AGBL4: variants seen among roughly 807,000 people sequenced by gnomAD.
The protein encoded by AGBL4 is AGBL carboxypeptidase 4.
A neutral mutation model predicts 66.4 loss-of-function variants in AGBL4; 58 were observed. The ratio of observed to expected loss-of-function variants is 0.87; its 90% confidence interval spans 0.71 to 1.09. The LOEUF (loss-of-function observed/expected upper bound fraction) is 1.09, where lower values mean the gene tolerates loss of function less well. AGBL4 is among the 50% of genes least tolerant of loss of function. The pLI, the probability that AGBL4 is intolerant of heterozygous loss-of-function variation, is 0.00. For missense variants in AGBL4, 579 were observed against 631.0 expected (o/e 0.92, Z 0.88); for synonymous variants, 234 against 222.9 (o/e 1.05, Z -0.44).
At chr1:49,708,118 G>A (rs1379211565) in intron 2 of AGBL4, among the ~76,000 whole-genome samples, 29 of 152,038 alleles carry the variant, frequency 1.9e-4, no homozygotes, top group Non-Finnish European at 4.4e-5. Context: ...GGTTGGGGAC[G>A]TTCTCCTGGA....
chr1:49,819,020 A>C (rs1316685343), intron 2 of AGBL4, among the ~76,000 whole-genome samples: 21 of 152,020 alleles, frequency 1.4e-4, no homozygotes, highest in Admixed American at 1.4e-3. Flanking sequence ...AGCTTCTAAT[A>C]TTTCCTCATC....
intron 2 of AGBL4, among the ~76,000 whole-genome samples, chr1:49,796,196 T>C (rs1644725600): frequency 6.6e-6 from 1 of 151,936 alleles, no homozygotes; most frequent in Non-Finnish European, 1.5e-5. Context: ...CAATGGTATA[T>C]AGATGAGTAA....
chr1:49,991,164 A>G (rs1331977205), intron 1 of AGBL4, among the ~76,000 whole-genome samples: 2 of 152,188 alleles, frequency 1.3e-5, no homozygotes, highest in African/African-American at 4.8e-5. Flanking sequence ...TGCAATATTT[A>G]CGTATAATAA....
intron 3 of AGBL4, among the ~76,000 whole-genome samples, chr1:49,289,424 A>T (rs1392112499): frequency 6.6e-6 from 1 of 152,156 alleles, no homozygotes; most frequent in Non-Finnish European, 1.5e-5. Flanking sequence ...CTATTATATG[A>T]TTCTATTTAT....
intron 6 of AGBL4, among the ~76,000 whole-genome samples, chr1:48,684,176 CT>C (rs1646496015): frequency 6.6e-6 from 1 of 152,198 alleles, no homozygotes; most frequent in Non-Finnish European, 1.5e-5. Flanking sequence ...ATGGGTGTGT[CT>C]ATTCTGTGCT....
At chr1:48,727,834 A>T in intron 6 of AGBL4, 1 of 1,538,794 alleles carries the variant, frequency 6.5e-7, no homozygotes, top group Non-Finnish European at 8.9e-7. Flanking sequence ...CATCGCTCGC[A>T]AATCACATGC....
intron 1 of AGBL4, among the ~76,000 whole-genome samples, chr1:49,993,820 T>C (rs1174054824): frequency 6.6e-6 from 1 of 152,002 alleles, no homozygotes; most frequent in East Asian, 1.9e-4. Flanking sequence ...ACAATAAGCA[T>C]ATAAATGGAA....
chr1:49,037,143 G>T (rs1001996733), intron 5 of AGBL4, among the ~76,000 whole-genome samples: 3 of 152,134 alleles, frequency 2.0e-5, no homozygotes, highest in African/African-American at 7.2e-5. Context: ...TAATATATTT[G>T]CTAAGTTTGA....
intron 5 of AGBL4, among the ~76,000 whole-genome samples, chr1:48,992,729 C>T (rs1242972832): frequency 6.6e-6 from 1 of 152,152 alleles, no homozygotes; most frequent in African/African-American, 2.4e-5. Context: ...CCTCCCCTTT[C>T]CATAAGCAGA....
At chr1:49,981,906 C>T (rs1372838239) in intron 1 of AGBL4, among the ~76,000 whole-genome samples, 2 of 152,096 alleles carry the variant, frequency 1.3e-5, no homozygotes, top group Admixed American at 6.5e-5. Flanking sequence ...TTAAATTTCC[C>T]CTTTTATAAT....
chr1:49,036,176 A>G (rs988398563), intron 5 of AGBL4, among the ~76,000 whole-genome samples: 1 of 152,128 alleles, frequency 6.6e-6, no homozygotes, highest in Non-Finnish European at 1.5e-5. Flanking sequence ...AGGTTTATTA[A>G]AAAGAGAATA....
At chr1:49,896,516 T>C (rs780573555) in intron 1 of AGBL4, among the ~76,000 whole-genome samples, 11 of 151,642 alleles carry the variant, frequency 7.3e-5, no homozygotes, top group Non-Finnish European at 1.0e-4. Context: ...ACACAAACTA[T>C]TCTGAAAAAA....
At chr1:48,758,571 C>T (rs3738311) in intron 6 of AGBL4, among the ~76,000 whole-genome samples, 117,846 of 152,220 alleles carry the variant, frequency 0.77, 47,105 homozygotes, top group Non-Finnish European at 0.89. Context: ...CCTGAAACCT[C>T]CTTGGAGAGG....
At chr1:48,717,705 G>T (rs1168187266) in intron 6 of AGBL4, among the ~76,000 whole-genome samples, 1 of 152,168 alleles carries the variant, frequency 6.6e-6, no homozygotes, top group African/African-American at 2.4e-5. Flanking sequence ...ATAGCACAGG[G>T]CCTGGCACCT....
At chr1:48,985,633 C>G (rs989857254) in intron 5 of AGBL4, among the ~76,000 whole-genome samples, 2 of 152,012 alleles carry the variant, frequency 1.3e-5, no homozygotes, top group Non-Finnish European at 2.9e-5. Flanking sequence ...AAAAGCAAGA[C>G]TTCAAAGAAC....
intron 2 of AGBL4, among the ~76,000 whole-genome samples, chr1:49,793,444 G>A (rs943725852): frequency 1.3e-5 from 2 of 151,948 alleles, no homozygotes; most frequent in African/African-American, 4.8e-5. Context: ...ATCTGTTGGA[G>A]TAGAATAATA....
chr1:50,006,064 G>C (rs1000602200), intron 1 of AGBL4, among the ~76,000 whole-genome samples: 1 of 152,244 alleles, frequency 6.6e-6, no homozygotes, highest in Non-Finnish European at 1.5e-5. Context: ...CAGAGGCCAG[G>C]TGCGGTGGCT....
rs573702491 is a variant in AGBL4, at chr1:49,606,723, T to C, written c.282+90590A>G. Reference sequence around the variant, plus strand: ...AACAAAGATCAGAAAGGTGAGGTGATATATCCAAGATGACACAGGAAGTAA... The same window carrying C: ...AACAAAGATCAGAAAGGTGAGGTGACATATCCAAGATGACACAGGAAGTAA... On this transcript the variant is annotated intron_variant, in intron 3 of 13. Coordinates refer to ENST00000371839, the MANE Select transcript of AGBL4 (RefSeq NM_032785.4). Among the ~76,000 whole-genome samples the C allele has an allele frequency of 1.3e-4, 20 of 152,246 alleles. No homozygotes were observed. In the South Asian group the frequency reaches 3.7e-3, roughly 28 times the overall value.
chr1:48,859,508 T>C (rs1304744941), intron 6 of AGBL4, among the ~76,000 whole-genome samples: 1 of 152,158 alleles, frequency 6.6e-6, no homozygotes, highest in Non-Finnish European at 1.5e-5. Context: ...CCTCTACCAA[T>C]GTCTCTGGGA....
Sources: allele counts gnomAD v4.1 joint callset (sites outside exome capture counted in the v4.1 genomes callset), GRCh38; gene constraint gnomAD v4.1.1; transcripts MANE v1.5; gene names NCBI Gene and HGNC (gene_info 2026-07-23, HGNC 2026-07-21).